The following BRAF variants were observed in gnomAD, a reference collection of about 807,000 sequenced individuals.
BRAF encodes the protein serine/threonine-protein kinase B-raf.
Under a neutral mutation model 104.6 loss-of-function variants are expected in BRAF, and 16 were observed. The ratio of observed to expected loss-of-function variants is 0.15; its 90% CI spans 0.10 to 0.23. The LOEUF (loss-of-function observed/expected upper bound fraction) is 0.23. BRAF is among the 10% of genes least tolerant of loss of function. The probability of loss-of-function intolerance (pLI) is 1.00; values close to 1 mark genes in which losing one functional copy is unlikely to be tolerated. For missense variants in BRAF, 541 were observed against 937.3 expected, an observed-to-expected ratio of 0.58 and a Z score of 5.52; for synonymous variants, 310 against 341.6, an observed-to-expected ratio of 0.91 and a Z score of 1.02.
At chr7:140,730,194 G>A (rs958470402) in intron 19 of BRAF, among the ~76,000 whole-genome samples, 8 of 151,000 alleles carry the variant, frequency 5.3e-5, no homozygotes, top group Admixed American at 3.3e-4. Flanking sequence ...CTTCCTACCC[G>A]TCTTCTATTT....
chr7:140,867,200 TA>T (rs113275958), intron 1 of BRAF, among the ~76,000 whole-genome samples: 1,835 of 151,884 alleles, frequency 0.012, 34 homozygotes, highest in African/African-American at 0.041. Flanking sequence ...ACAGGGAGGT[TA>T]AAAAAAACTT....
chr7:140,852,057 T>C (rs911118296), intron 1 of BRAF, among the ~76,000 whole-genome samples: 1 of 152,186 alleles, frequency 6.6e-6, no homozygotes, highest in Non-Finnish European at 1.5e-5. Context: ...CAGCAGCATC[T>C]TCTGAAAGAC....
intron 1 of BRAF, among the ~76,000 whole-genome samples, chr7:140,864,254 T>C (rs917577718): frequency 1.1e-4 from 17 of 152,288 alleles, no homozygotes; most frequent in African/African-American, 3.9e-4. Context: ...AAGAGATGAT[T>C]GCTTGGACCA....
chr7:140,727,413 A>G (rs1795664892), intron 19 of BRAF, among the ~76,000 whole-genome samples: 1 of 151,640 alleles, frequency 6.6e-6, no homozygotes, highest in African/African-American at 2.4e-5. Context: ...CAAACTCCTG[A>G]CCTCAGGTAA....
At chr7:140,778,175 C>T (rs931392561) in intron 12 of BRAF, 100 bp from the exon 12 acceptor site, 27 of 985,176 alleles carry the variant, frequency 2.7e-5, no homozygotes, top group Non-Finnish European at 4.3e-5. Context: ...GCCCTAACTC[C>T]ATACCATTAT....
chr7:140,719,637 A>G lies in BRAF; in HGVS notation c.*6857T>C. 9.4e-7 allele frequency: 1 copy of G among 1,063,300 alleles called. No individual in the cohort carries two copies. The highest frequency in any genetic ancestry group is 5.0e-5 in the East Asian group (1 of 19,858). The allele number at this position is 1,063,300 out of a possible 1,614,324, so 65.9% of individuals were successfully genotyped here. On this transcript the variant is annotated 3_prime_UTR_variant, in exon 20 of 20. Transcript: ENST00000644969. ...GGAGAATTAAAAAAAATAATAAAAG[A>G]TTCAAGCAAACATTGAGAATAGGGG...
chr7:140,865,634 A>C (rs1477276758), intron 1 of BRAF, among the ~76,000 whole-genome samples: 1 of 152,218 alleles, frequency 6.6e-6, no homozygotes, highest in Non-Finnish European at 1.5e-5. Context: ...TGAAACAAAT[A>C]GTATCACTTG....
In BRAF at chr7:140,781,710, A is replaced by G; in HGVS notation, c.1435-17T>C. The G allele has an allele frequency of 6.2e-7, 1 of 1,605,646 alleles. No homozygotes were observed. Among genetic ancestry groups the G allele is most frequent in the Non-Finnish European group, 8.5e-7 (1 of 1,172,414 alleles). On this transcript the variant is annotated splice_polypyrimidine_tract_variant and intron_variant, in intron 11 of 19. Coordinates refer to ENST00000644969, the MANE Select transcript of BRAF (RefSeq NM_001374258.1). ...AAGTGTTTTCTTGATAAAAACAGTA[A>G]AAAAGTCAAGTCAAGCCAAACAGAA...
At chr7:140,759,817 C>CTTTA (rs1323544251) in intron 14 of BRAF, among the ~76,000 whole-genome samples, 1 of 152,196 alleles carries the variant, frequency 6.6e-6, no homozygotes, top group African/African-American at 2.4e-5. Flanking sequence ...GTTTCTCACA[C>CTTTA]TTTAATATGG....
chr7:140,718,816 A>G (rs1795194691), downstream of BRAF, among the ~76,000 whole-genome samples: 1 of 152,242 alleles, frequency 6.6e-6, no homozygotes, highest in African/African-American at 2.4e-5. Context: ...CATGAAATCA[A>G]ATGCAGAAAA....
intron 7 of BRAF, chr7:140,798,998 A>T (rs1586204000): frequency 5.8e-6 from 1 of 173,532 alleles, no homozygotes; most frequent in Non-Finnish European, 1.2e-5. Flanking sequence ...GGTGTGTGCC[A>T]TCATGCCCAG....
At chr7:140,748,914 G>C (rs992478211) in intron 17 of BRAF, 2 of 157,348 alleles carry the variant, frequency 1.3e-5, no homozygotes, top group African/African-American at 4.8e-5. Flanking sequence ...TTAATATAAA[G>C]ATCTCATAGC....
intron 12 of BRAF, among the ~76,000 whole-genome samples, chr7:140,778,737 C>CA (rs56980449): frequency 0.013 from 1,893 of 140,500 alleles, 27 homozygotes; most frequent in African/African-American, 0.037. Context: ...TTAAAATCAT[C>CA]AAAAAAAAAA....
chr7:140,768,176 T>A (rs10236138), intron 14 of BRAF, among the ~76,000 whole-genome samples: 1 of 152,226 alleles, frequency 6.6e-6, no homozygotes, highest in Non-Finnish European at 1.5e-5. Flanking sequence ...TATCTCTTGA[T>A]GGTGGATTAC....
At chr7:140,796,620 T>C (rs1270162410) in intron 7 of BRAF, among the ~76,000 whole-genome samples, 1 of 152,198 alleles carries the variant, frequency 6.6e-6, no homozygotes, top group African/African-American at 2.4e-5. Context: ...TAGAAAATGA[T>C]GATATCTGCG....
intron 14 of BRAF, among the ~76,000 whole-genome samples, chr7:140,762,115 C>A (rs1352045378): frequency 6.6e-6 from 1 of 152,140 alleles, no homozygotes; most frequent in African/African-American, 2.4e-5. Flanking sequence ...CACACCTATT[C>A]CAAAACTGAC....
intron 2 of BRAF, among the ~76,000 whole-genome samples, chr7:140,845,445 T>C (rs1355135978): frequency 6.6e-6 from 1 of 152,046 alleles, no homozygotes; most frequent in Non-Finnish European, 1.5e-5. Context: ...AAATATCCAA[T>C]AAGAACTGAT....
chr7:140,814,792 CAT>C (rs563742409), intron 3 of BRAF, among the ~76,000 whole-genome samples: 6,120 of 137,852 alleles, frequency 0.044, 179 homozygotes, highest in African/African-American at 0.062. Flanking sequence ...TTATATATAA[CAT>C]ATATATATTA....
At chr7:140,834,184 C>A in intron 3 of BRAF, 1 of 226,166 alleles carries the variant, frequency 4.4e-6, no homozygotes, top group South Asian at 8.3e-5. Context: ...ATTCAACAAC[C>A]AAAAATGAAG....
Sources: gnomAD v4.1 joint callset for allele counts (sites outside exome capture counted in the v4.1 genomes callset) on GRCh38, gnomAD v4.1.1 for gene constraint, MANE v1.5 for transcripts, NCBI Gene and HGNC (gene_info 2026-07-23, HGNC 2026-07-21) for gene names.